The following PPARA variants were observed in gnomAD, a reference collection of about 807,000 sequenced individuals.
The protein encoded by PPARA is peroxisome proliferator-activated receptor alpha.
PPARA carries 22 observed loss-of-function variants against 42.2 expected under a neutral mutation model. The observed-to-expected ratio is 0.52, with a 90% CI of 0.37 to 0.74. The LOEUF is 0.74. PPARA is among the 30% of genes least tolerant of loss of function. The pLI is 0.00. For synonymous variants in PPARA, 242 were observed against 239.3 expected, an observed-to-expected ratio of 1.01 and a Z score of -0.10; for missense variants, 465 against 608.2, an observed-to-expected ratio of 0.76 and a Z score of 2.48.
At chr22:46,157,153 A>T (rs1355579610) in intron 2 of PPARA, among the ~76,000 whole-genome samples, 1 of 152,150 alleles carries the variant, frequency 6.6e-6, no homozygotes, top group Non-Finnish European at 1.5e-5. Context: ...GAGGGCAGAG[A>T]GGATGTCTTA....
Position 46,200,741 on chromosome 22 carries a change from C to A in PPARA, c.208+2150C>A, listed in dbSNP as rs1932795677. On this transcript the variant is annotated intron_variant, in intron 4 of 8. Coordinates refer to ENST00000407236, the MANE Select transcript of PPARA (RefSeq NM_005036.6). The surrounding 1 kb of genome is among the most constrained non-coding windows in gnomAD (Gnocchi z 4.8). ...GACCAGTCTGGCCAACATGGCAAAA[C>A]CCCATCTCTACTAAAGAATACAAAA... 6.6e-6 allele frequency among the ~76,000 whole-genome samples: 1 copy of A among 151,738 alleles called. No homozygotes were observed. Among genetic ancestry groups the A allele is most frequent in the African/African-American group, 2.4e-5 (1 of 41,280 alleles).
intron 4 of PPARA, among the ~76,000 whole-genome samples, chr22:46,208,170 T>C (rs879540556): frequency 1.1e-4 from 17 of 152,220 alleles, no homozygotes; most frequent in Admixed American, 8.5e-4. Context: ...TGTGATGTTT[T>C]GGTCTATGTT....
Position 46,191,699 on chromosome 22 carries a change from A to G in PPARA, c.-42-6643A>G, listed in dbSNP as rs117195392. Among the ~76,000 whole-genome samples, 133 of 152,284 alleles carry G rather than the reference A, an allele frequency of 8.7e-4. No individual in the cohort carries two copies. The highest frequency in any genetic ancestry group is 8.7e-3 in the East Asian group (45 of 5,180). ...TGGCTGCGGCGACAGAGCTGAGGTG[A>G]ATTCTCACAGACCATCACTGGGTTA... is the stretch of plus-strand genomic sequence containing the variant. On this transcript the variant is annotated intron_variant, in intron 3 of 8. Transcript: ENST00000407236. The surrounding 1 kb of genome is among the most constrained non-coding windows in gnomAD (Gnocchi z 4.6).
intron 3 of PPARA, among the ~76,000 whole-genome samples, chr22:46,179,817 G>A (rs1385986649): frequency 1.3e-5 from 2 of 152,210 alleles, no homozygotes; most frequent in Non-Finnish European, 2.9e-5. Flanking sequence ...GCATTTGCCT[G>A]ATAAAGGTAT....
rs763134215 is a variant in PPARA at position 46,224,911 on chromosome 22, C to T, written c.711+4897C>T. Among the ~76,000 whole-genome samples, 14 of 150,100 alleles carry T rather than the reference C, an allele frequency of 9.3e-5. No individual in the cohort carries two copies. The highest frequency in any genetic ancestry group is 2.0e-4 in the East Asian group (1 of 5,054). ...TGCCTTTCTTCTGTCAAGATCAGCT[C>T]GTGGCCTTCAGATCAGATGACGCAA... On this transcript the variant is annotated intron_variant, in intron 7 of 8. Coordinates refer to ENST00000407236, the MANE Select transcript of PPARA (RefSeq NM_005036.6). The surrounding 1 kb of genome is among the most constrained non-coding windows in gnomAD (Gnocchi z 5.7).
chr22:46,202,891 G>A (rs1050948349), intron 4 of PPARA, among the ~76,000 whole-genome samples: 2 of 151,674 alleles, frequency 1.3e-5, no homozygotes, highest in African/African-American at 2.4e-5. Context: ...AATAGCGAGG[G>A]TTCAGGGCAG....
In PPARA at chr22:46,200,166, A is replaced by T. The variant is rs1288503482; in HGVS notation, c.208+1575A>T. On this transcript the variant is annotated intron_variant, in intron 4 of 8. Coordinates refer to ENST00000407236, the MANE Select transcript of PPARA (RefSeq NM_005036.6). This position sits in a 1 kb window ranked among gnomAD's most constrained non-coding sequence, Gnocchi z 4.8. ...AGAACTGGGGAGGGGTCCCATGGGG[A>T]CTGTAATTCTCTCTAGGTTGTATAT... Among the ~76,000 whole-genome samples the T allele has an allele frequency of 1.3e-5, 2 of 152,176 alleles. No individual in the cohort carries two copies. The highest frequency in any genetic ancestry group is 4.8e-5 in the African/African-American group (2 of 41,440).
intron 4 of PPARA, among the ~76,000 whole-genome samples, chr22:46,214,942 G>C (rs2147542794): frequency 6.6e-6 from 1 of 152,276 alleles, no homozygotes; most frequent in South Asian, 2.1e-4. Context: ...CTCGGGGTCA[G>C]CTCAGCAGCA....
intron 4 of PPARA, among the ~76,000 whole-genome samples, chr22:46,209,934 C>A (rs565668665): frequency 6.6e-6 from 1 of 151,978 alleles, no homozygotes; most frequent in African/African-American, 2.4e-5. Flanking sequence ...TTTGAAGAGA[C>A]GGGTCTCACT....
chr22:46,151,589 A>T (rs1324467474), intron 1 of PPARA, among the ~76,000 whole-genome samples: 1 of 152,186 alleles, frequency 6.6e-6, no homozygotes, highest in East Asian at 1.9e-4. Flanking sequence ...TCCAAGAAAA[A>T]CCCACAGTTG....
chr22:46,163,166 T>C lies in PPARA; in HGVS notation c.-127+11196T>C, dbSNP rs1037620975. The C allele has an allele frequency of 6.6e-6, 1 of 152,202 alleles. No individual in the cohort carries two copies. The highest frequency in any genetic ancestry group is 1.5e-5 in the Non-Finnish European group (1 of 68,044). The allele number at this position is 152,202 out of a possible 1,614,324, so 9.4% of individuals were successfully genotyped here. ...CCTGCCAGTGAACGGAATGTGCGGC[T>C]CCAGATGTCGTTGTCTTTAAACTTC... is the stretch of plus-strand genomic sequence containing the variant. On this transcript the variant is annotated intron_variant, in intron 2 of 8. Coordinates refer to ENST00000407236, the MANE Select transcript of PPARA (RefSeq NM_005036.6). The surrounding 1 kb of genome is among the most constrained non-coding windows in gnomAD (Gnocchi z 4.9).
In PPARA at chr22:46,218,256, C is replaced by A. The variant is rs1440594140; in HGVS notation, c.370-7C>A. ...GTCTTTAAATCCACTGTGTATTACC[C>A]TCACAGGGCTTCTTTCGGCGAACGA... On this transcript the variant is annotated splice_polypyrimidine_tract_variant and splice_region_variant and intron_variant, in intron 5 of 8. Coordinates refer to ENST00000407236, the MANE Select transcript of PPARA (RefSeq NM_005036.6). 14 of 1,613,962 alleles carry A rather than the reference C, an allele frequency of 8.7e-6. No individual in the cohort carries two copies. The highest frequency in any genetic ancestry group is 1.7e-5 in the Admixed American group (1 of 59,972).
At position 46,232,079 on chromosome 22, in the gene PPARA, G is replaced by A. The variant is rs563662966; in HGVS notation, c.999G>A (p.Ala333=). The change falls in exon 8 of 9, where the codon GCG becomes GCA. Residue 333 remains alanine, a synonymous_variant. Transcript: ENST00000407236. The surrounding 1 kb of genome is among the most constrained non-coding windows in gnomAD (Gnocchi z 5.3). ...SVMNKDGMLV[A]YGNGFITREF... ...TGAACAAAGACGGGATGCTGGTAGC[G>A]TATGGAAATGGGTTTATAACTCGTG... The A allele has an allele frequency of 3.8e-5, 62 of 1,614,244 alleles. No homozygotes were observed. The highest frequency in any genetic ancestry group is 2.5e-4 in the East Asian group (11 of 44,892).
rs1314011301 is a variant in PPARA at position 46,243,742 on chromosome 22, A to G, written c.*8362A>G. The G allele has an allele frequency of 6.6e-6, 1 of 152,128 alleles. No homozygotes were observed. The highest frequency in any genetic ancestry group is 2.4e-5 in the African/African-American group (1 of 41,388). The allele number at this position is 152,128 out of a possible 1,614,324, so 9.4% of individuals were successfully genotyped here. A position where few individuals can be genotyped will look rare whatever the true frequency, so the allele number is the denominator to read the frequency against. ...CCTTAATGGTTTTAAAAAATAAACTATTTTTTAAAATTTTTTGGTGAGTTT... is the reference window on the plus strand; with the variant it reads ...CCTTAATGGTTTTAAAAAATAAACTGTTTTTTAAAATTTTTTGGTGAGTTT... On this transcript the variant is annotated 3_prime_UTR_variant, in exon 9 of 9. Coordinates refer to ENST00000407236, the MANE Select transcript of PPARA (RefSeq NM_005036.6). The surrounding 1 kb of genome is among the most constrained non-coding windows in gnomAD (Gnocchi z 5.0).
intron 2 of PPARA, among the ~76,000 whole-genome samples, chr22:46,154,141 C>G (rs1163393677): frequency 2.0e-5 from 3 of 152,076 alleles, no homozygotes; most frequent in Non-Finnish European, 4.4e-5. Context: ...CAGTGCTGAA[C>G]AAGACAAGCA....
rs564756639 is a variant in PPARA, at chr22:46,173,356, C to T, written c.-126-3397C>T. On this transcript the variant is annotated intron_variant, in intron 2 of 8. Coordinates refer to ENST00000407236, the MANE Select transcript of PPARA (RefSeq NM_005036.6). The surrounding 1 kb of genome is among the most constrained non-coding windows in gnomAD (Gnocchi z 4.3). ...GTTGGCAAGCTGGCAAAATGAAGGG[C>T]GTACAAGTTGTTAGAGAGGCTGGGA... is the stretch of plus-strand genomic sequence containing the variant. 6.6e-5 allele frequency among the ~76,000 whole-genome samples: 10 copies of T among 152,294 alleles called. No individual in the cohort carries two copies. The highest frequency in any genetic ancestry group is 1.3e-4 in the Non-Finnish European group (9 of 68,030).
rs926671991 is a variant in PPARA, at chr22:46,216,137, C to A, written c.369+804C>A. 6.6e-6 allele frequency among the ~76,000 whole-genome samples: 1 copy of A among 152,156 alleles called. No homozygotes were observed. Among genetic ancestry groups the A allele is most frequent in the African/African-American group, 2.4e-5 (1 of 41,440 alleles). On this transcript the variant is annotated intron_variant, in intron 5 of 8. Transcript: ENST00000407236. The surrounding 1 kb of genome is among the most constrained non-coding windows in gnomAD (Gnocchi z 4.5). ...GTGGCTCACGCCTATAATCTCAGCA[C>A]TTTGGGAGGCCGAGGCGGCTGGATC...
intron 2 of PPARA, among the ~76,000 whole-genome samples, chr22:46,170,368 T>A (rs1230270789): frequency 1.3e-5 from 2 of 149,418 alleles, no homozygotes; most frequent in Non-Finnish European, 3.0e-5. Context: ...CCTAAGTAGC[T>A]GGGACCACAG....
chr22:46,214,759 C>G (rs1431678608), intron 4 of PPARA, among the ~76,000 whole-genome samples: 1 of 148,782 alleles, frequency 6.7e-6, no homozygotes, highest in Non-Finnish European at 1.5e-5. Context: ...ATGTGCAGGT[C>G]CGGAGATGCG....
Sources: gnomAD v4.1 joint callset for allele counts (sites outside exome capture counted in the v4.1 genomes callset) on GRCh38, gnomAD v4.1.1 for gene constraint, Gnocchi (gnomAD v3.1) non-coding constraint, MANE v1.5 for transcripts, NCBI Gene and HGNC (gene_info 2026-07-23, HGNC 2026-07-21) for gene names.